The following TTC3 variants were observed in gnomAD, a reference collection of about 807,000 sequenced individuals.
TTC3 encodes the protein E3 ubiquitin-protein ligase TTC3.
Under a neutral mutation model 249.6 loss-of-function variants are expected in TTC3, and 180 were observed. The observed-to-expected ratio is 0.72, with a 90% CI of 0.64 to 0.82. The LOEUF (loss-of-function observed/expected upper bound fraction) is 0.82, where lower values mean the gene tolerates loss of function less well. Among genes scored for constraint, TTC3 ranks in the 40% least tolerant of loss-of-function variants. The probability of loss-of-function intolerance (pLI) is 0.00; values close to 1 mark genes in which losing one functional copy is unlikely to be tolerated. For missense variants in TTC3, 2,061 were observed against 2,398.4 expected (o/e 0.86, Z 2.94); for synonymous variants, 717 against 805.0 (o/e 0.89, Z 1.85).
chr21:37,155,235 A>G (rs2079920967), intron 27 of TTC3, among the ~76,000 whole-genome samples: 2 of 152,046 alleles, frequency 1.3e-5, no homozygotes, highest in African/African-American at 4.8e-5. Context: ...CATCATGCAC[A>G]TATTTACCAT....
rs528857626 is a variant in TTC3, at chr21:37,134,445, T to C, written c.1444-935T>C. On this transcript the variant is annotated intron_variant, in intron 17 of 45. Transcript: ENST00000355666. ...GCCTGGACGACAGAGCAAGACTCCA[T>C]CTCAAAAAAAAAAAGCCAGCAGAAG... Among the ~76,000 whole-genome samples the C allele has an allele frequency of 3.4e-5, 5 of 148,050 alleles. No individual in the cohort carries two copies. In the South Asian group the frequency reaches 1.0e-3, roughly 31 times the overall value.
intron 23 of TTC3, 90 bp downstream of exon 23, chr21:37,148,737 A>G: frequency 1.3e-6 from 1 of 773,502 alleles, no homozygotes; most frequent in South Asian, 2.5e-5. Context: ...CATTCTGCAC[A>G]TAATTAGAAA....
chr21:37,092,285 A>G (rs1276565242), intron 7 of TTC3, among the ~76,000 whole-genome samples: 1 of 152,232 alleles, frequency 6.6e-6, no homozygotes, highest in African/African-American at 2.4e-5. Flanking sequence ...TGCACTATTG[A>G]CTTAAGTGCT....
At position 37,147,617 on chromosome 21, in the gene TTC3, G is replaced by C; in HGVS notation, c.2016+14G>C. 6.3e-7 allele frequency: 1 copy of C among 1,577,744 alleles called. No homozygotes were observed. The highest frequency in any genetic ancestry group is 2.0e-5 in the Admixed American group (1 of 51,266). ...CCAGACTTTAAGGTAAATAATGAGT[G>C]TACAGTGGGACATTAACTTGCAAAA... is the stretch of plus-strand genomic sequence containing the variant. On this transcript the variant is annotated intron_variant, in intron 22 of 45. Transcript: ENST00000355666.
intron 41 of TTC3, 43 bp from the exon 42 acceptor site, chr21:37,195,632 A>G (rs747680551): frequency 5.2e-6 from 8 of 1,539,114 alleles, no homozygotes; most frequent in South Asian, 5.1e-5. Context: ...TCATCCTTCA[A>G]GGGAAGCCCT....
intron 10 of TTC3, among the ~76,000 whole-genome samples, chr21:37,105,196 T>C (rs1189236961): frequency 6.6e-6 from 1 of 152,114 alleles, no homozygotes; most frequent in African/African-American, 2.4e-5. Flanking sequence ...AGTGGGAAGC[T>C]TGAAACATGC....
chr21:37,150,190 C>G lies in TTC3; in HGVS notation c.2211+20C>G, dbSNP rs372344212. ...TGTGAAGTAAGTAATAAAGGGGAAA[C>G]CTTGTTAGATAGATAACCAAAATGT... On this transcript the variant is annotated intron_variant, in intron 24 of 45. Coordinates refer to ENST00000355666, the Ensembl canonical transcript of TTC3. 1.3e-6 allele frequency: 2 copies of G among 1,563,598 alleles called. No homozygotes were observed. The highest frequency in any genetic ancestry group is 1.8e-6 in the Non-Finnish European group (2 of 1,138,618).
At chr21:37,082,693 C>T in intron 1 of TTC3, 2 of 985,064 alleles carry the variant, frequency 2.0e-6, no homozygotes, top group Non-Finnish European at 2.4e-6. Context: ...TCTATGAGCT[C>T]AGCAAAAACA....
intron 26 of TTC3, among the ~76,000 whole-genome samples, chr21:37,152,432 G>T (rs762767458): frequency 7.3e-5 from 11 of 150,190 alleles, no homozygotes; most frequent in Non-Finnish European, 1.3e-4. Context: ...TGTTGCCCAG[G>T]CTGGAGTGCA....
intron 31 of TTC3, 114 bp from the exon 32 acceptor site, chr21:37,163,937 T>G (rs2081011319): frequency 8.0e-7 from 1 of 1,246,020 alleles, no homozygotes; most frequent in East Asian, 2.5e-5. Context: ...AACATAGAGC[T>G]GAGTAATATA....
chr21:37,101,350 CTTGTGT>C (rs1201869199), intron 10 of TTC3: 1 of 113,958 alleles, frequency 8.8e-6, no homozygotes, highest in Admixed American at 8.4e-5. Context: ...TTCACAAATT[CTTGTGT>C]GTGTGTGTGT....
At chr21:37,195,369 G>A (rs938659822) in intron 41 of TTC3, among the ~76,000 whole-genome samples, 3 of 152,146 alleles carry the variant, frequency 2.0e-5, no homozygotes, top group Non-Finnish European at 4.4e-5. Context: ...AAGGGGAAAA[G>A]TGTAACCAGG....
In TTC3 at chr21:37,145,533, A is replaced by G. The variant is rs574304128; in HGVS notation, c.1893+888A>G. ...ATTCAGACACTGCTGGTGGTAATGT[A>G]TAATGATGCAGCTGCTTTGGAAAAT... On this transcript the variant is annotated intron_variant, in intron 21 of 45. Coordinates refer to ENST00000355666, the Ensembl canonical transcript of TTC3. Among the ~76,000 whole-genome samples, 237 of 152,352 alleles carry G rather than the reference A, an allele frequency of 1.6e-3. 3 individuals carry two copies. The highest frequency in any genetic ancestry group is 6.8e-3 in the Middle Eastern group (2 of 294).
At chr21:37,159,484 T>C (rs2080470878) in intron 28 of TTC3, 2 of 551,252 alleles carry the variant, frequency 3.6e-6, no homozygotes, top group Admixed American at 6.9e-5. Flanking sequence ...AACATTATGC[T>C]GAATCAGATT....
At chr21:37,166,207 A>G (rs2081241127) in exon 33 of TTC3, 1 of 1,614,128 alleles carries the variant, frequency 6.2e-7, no homozygotes, top group East Asian at 2.2e-5. Flanking sequence ...TCACCCAGAC[A>G]CCGCCAGCAT....
chr21:37,128,793 T>C (rs531840876), intron 15 of TTC3, among the ~76,000 whole-genome samples: 6 of 152,160 alleles, frequency 3.9e-5, no homozygotes, highest in Non-Finnish European at 8.8e-5. Flanking sequence ...ATGATCACTA[T>C]TATAATTGAT....
At chr21:37,096,633 G>A in exon 10 of TTC3, 1 of 1,610,862 alleles carries the variant, frequency 6.2e-7, no homozygotes, top group Non-Finnish European at 8.5e-7. Context: ...TCTTCGTACT[G>A]GACAGTTTAG....
At chr21:37,185,708 A>G (rs774537728) in exon 37 of TTC3, 7 of 1,543,474 alleles carry the variant, frequency 4.5e-6, no homozygotes, top group Non-Finnish European at 5.2e-6. Context: ...TTTTATAGGT[A>G]TACCCAGAAA....
chr21:37,195,756 C>T, exon 42 of TTC3: 3 of 1,614,166 alleles, frequency 1.9e-6, no homozygotes, highest in Non-Finnish European at 2.5e-6. Flanking sequence ...GACTGGAAAC[C>T]ACGCAGCACT....
Sources: gnomAD v4.1 joint callset for allele counts (sites outside exome capture counted in the v4.1 genomes callset) on GRCh38, gnomAD v4.1.1 for gene constraint, MANE v1.5 for transcripts, NCBI Gene and HGNC (gene_info 2026-07-23, HGNC 2026-07-21) for gene names.